The following SPHKAP variants were observed in gnomAD, a reference collection of about 807,000 sequenced individuals.
SPHKAP encodes SPHK1 interactor, AKAP domain containing, also known as A-kinase anchor protein SPHKAP.
A neutral mutation model predicts 137.5 loss-of-function variants in SPHKAP; 67 were observed. The ratio of observed to expected loss-of-function variants is 0.49; its 90% CI spans 0.40 to 0.60. SPHKAP has a LOEUF of 0.60. Among genes scored for constraint, SPHKAP ranks in the 20% least tolerant of loss-of-function variants. The probability of loss-of-function intolerance (pLI) is 0.00; values close to 1 mark genes in which losing one functional copy is unlikely to be tolerated. For synonymous variants in SPHKAP, 813 were observed against 785.3 expected (o/e 1.04, Z -0.59); for missense variants, 2,097 against 2,069.3 (o/e 1.01, Z -0.26).
chr2:228,080,432 T>A (rs778635915), intron 3 of SPHKAP, among the ~76,000 whole-genome samples: 9 of 152,070 alleles, frequency 5.9e-5, no homozygotes, highest in Non-Finnish European at 1.0e-4. Flanking sequence ...GATGTCCAGG[T>A]GTGGTGGCTC....
At chr2:228,077,843 C>T (rs970799211) in intron 3 of SPHKAP, among the ~76,000 whole-genome samples, 4 of 152,130 alleles carry the variant, frequency 2.6e-5, no homozygotes, top group Admixed American at 2.0e-4. Flanking sequence ...GCTGTGTCCC[C>T]ACCCAAATCT....
intron 2 of SPHKAP, chr2:228,109,484 C>T (rs1698448345): frequency 1.7e-6 from 1 of 589,014 alleles, no homozygotes; most frequent in Non-Finnish European, 2.1e-6. Context: ...CATTAAATAC[C>T]ATTTGCCATT....
At chr2:228,027,377 ACTAT>A (rs1278987969) in intron 4 of SPHKAP, 103 bp downstream of exon 4, 22 of 1,162,130 alleles carry the variant, frequency 1.9e-5, no homozygotes, top group East Asian at 2.4e-5. Flanking sequence ...CTGTAATGAA[ACTAT>A]CTAACTAAAG....
At chr2:228,126,561 C>T (rs66495113) in intron 2 of SPHKAP, among the ~76,000 whole-genome samples, 52,013 of 151,920 alleles carry the variant, frequency 0.34, 9,178 homozygotes, top group East Asian at 0.5. Context: ...AAGATAATTC[C>T]GAAGCCAGAG....
intron 1 of SPHKAP, among the ~76,000 whole-genome samples, chr2:228,139,758 G>T (rs1181270841): frequency 4.0e-5 from 6 of 151,876 alleles, no homozygotes; most frequent in Non-Finnish European, 8.8e-5. Context: ...TACAAATAAT[G>T]TGTATAAAAA....
In SPHKAP at chr2:228,008,907, T is replaced by C. The variant is rs190714706; in HGVS notation, c.4448+7499A>G. Among the ~76,000 whole-genome samples the C allele has an allele frequency of 3.0e-3, 451 of 152,300 alleles. 7 individuals carry two copies. The highest frequency in any genetic ancestry group is 5.6e-3 in the Admixed American group (85 of 15,304). On this transcript the variant is annotated intron_variant, in intron 7 of 11. Coordinates refer to ENST00000392056, the MANE Select transcript of SPHKAP (RefSeq NM_001142644.2). ...GAGTAAATCATCATGTCAGGTAGTC[T>C]CAATCCTCTAACTTTGTTCTTCCTC... is the stretch of plus-strand genomic sequence containing the variant.
chr2:228,065,825 G>C (rs960564518), intron 3 of SPHKAP, among the ~76,000 whole-genome samples: 3 of 152,156 alleles, frequency 2.0e-5, no homozygotes, highest in African/African-American at 7.2e-5. Flanking sequence ...GGCTGCCTCT[G>C]GACACTTAGG....
intron 7 of SPHKAP, among the ~76,000 whole-genome samples, chr2:228,011,821 A>G (rs1308299312): frequency 2.6e-5 from 4 of 152,126 alleles, no homozygotes; most frequent in Non-Finnish European, 5.9e-5. Context: ...CACCTCACAT[A>G]CTTATATTTT....
At chr2:228,167,251 A>G (rs908622350) in intron 1 of SPHKAP, among the ~76,000 whole-genome samples, 18 of 152,124 alleles carry the variant, frequency 1.2e-4, no homozygotes, top group African/African-American at 4.3e-4. Flanking sequence ...ATGTGATGAA[A>G]CTGCAGCTAA....
chr2:228,032,035 T>C (rs1227546387), intron 3 of SPHKAP, among the ~76,000 whole-genome samples: 1 of 152,214 alleles, frequency 6.6e-6, no homozygotes, highest in African/African-American at 2.4e-5. Context: ...GGACGGAGAA[T>C]GACTTTGATG....
intron 1 of SPHKAP, among the ~76,000 whole-genome samples, chr2:228,156,843 G>A (rs373530525): frequency 3.9e-5 from 6 of 152,116 alleles, no homozygotes; most frequent in Non-Finnish European, 8.8e-5. Context: ...GTAAGACGTG[G>A]CTTTGCTCCT....
At position 228,031,199 on chromosome 2, in the gene SPHKAP, A is replaced by G. The variant is rs530653126; in HGVS notation, c.247-3656T>C. On this transcript the variant is annotated intron_variant, in intron 3 of 11. Transcript: ENST00000392056. The stretch of plus-strand genomic sequence containing the variant: ...TGTGCTTTTCCAACGGGCTTAAAAA[A>G]CAGCACACCAGGAGATTATATCCCG... Among the ~76,000 whole-genome samples the G allele has an allele frequency of 2.0e-5, 3 of 152,320 alleles. No individual in the cohort carries two copies. The South Asian group carries it at 6.2e-4, about 32-fold the overall frequency.
At chr2:228,159,156 T>A (rs4973076) in intron 1 of SPHKAP, among the ~76,000 whole-genome samples, 93,751 of 151,948 alleles carry the variant, frequency 0.62, 29,373 homozygotes, top group African/African-American at 0.72. Context: ...ACTCAGACAC[T>A]GTCCAGTTTC....
At chr2:228,124,231 T>A (rs1380096520) in intron 2 of SPHKAP, among the ~76,000 whole-genome samples, 1 of 152,238 alleles carries the variant, frequency 6.6e-6, no homozygotes, top group Non-Finnish European at 1.5e-5. Flanking sequence ...ATCCCATTAC[T>A]GGGTATATAC....
chr2:228,092,135 G>GTATA lies in SPHKAP; in HGVS notation c.246+16696_246+16697insTATA, dbSNP rs1254008379. 8.1e-3 allele frequency among the ~76,000 whole-genome samples: 1,143 copies of GTATA among 140,980 alleles called. 27 individuals are homozygous for GTATA. The highest frequency in any genetic ancestry group is 0.056 in the Middle Eastern group (13 of 234). The allele number at this position is 140,980 out of a possible 152,430, so 92.5% of individuals were successfully genotyped here. On this transcript the variant is annotated intron_variant, in intron 3 of 11. Transcript: ENST00000392056. ...CACATATATACATATACGTATATGT[G>GTATA]TGTACACATATATACATATACATAT...
At position 228,025,541 on chromosome 2, in the gene SPHKAP, A is replaced by C. The variant is rs767679327; in HGVS notation, c.307-13T>G. The stretch of plus-strand genomic sequence containing the variant: ...CGTTGACCAGTTTCTGTAAAGCAAG[A>C]ATCTTTATTAGTTTAGCTGATTTCT... On this transcript the variant is annotated splice_polypyrimidine_tract_variant and intron_variant, in intron 4 of 11. Transcript: ENST00000392056. 1 of 1,612,708 alleles carries C rather than the reference A, an allele frequency of 6.2e-7. No homozygotes were observed. Among genetic ancestry groups the C allele is most frequent in the South Asian group, 1.1e-5 (1 of 90,756 alleles).
In SPHKAP at chr2:228,021,972, A is replaced by T. The variant is rs781550915; in HGVS notation, c.442-6T>A. 1 of 1,576,528 alleles carries T rather than the reference A, an allele frequency of 6.3e-7. No homozygotes were observed. The highest frequency in any genetic ancestry group is 8.6e-7 in the Non-Finnish European group (1 of 1,163,670). On this transcript the variant is annotated splice_region_variant and splice_polypyrimidine_tract_variant and intron_variant, in intron 5 of 11. Coordinates refer to ENST00000392056, the MANE Select transcript of SPHKAP (RefSeq NM_001142644.2). ...ATATCTGGCAGCCAAGGGCACTAAA[A>T]GTGGAGAGAAAAGAAGGCATTTATT...
rs148934063 is a variant in SPHKAP at position 228,027,522 on chromosome 2, C to T, written c.268G>A (p.Val90Met). 1,119 of 1,613,958 alleles carry T rather than the reference C, an allele frequency of 6.9e-4. No individual in the cohort carries two copies. Among genetic ancestry groups the T allele is most frequent in the Non-Finnish European group, 7.8e-4 (915 of 1,179,936 alleles). Residue 90 changes from valine to methionine, a missense_variant, in exon 4 of 12, where the codon GTG (valine) becomes ATG (methionine). Coordinates refer to ENST00000392056, the MANE Select transcript of SPHKAP (RefSeq NM_001142644.2). ...TCTGTGCTGCATTCATCCTTGTTCA[C>T]ATCAAGATTCACAAAGCAGACCTGG... ...CASVCFVNLD[V>M]NKDECSTEHL...
At chr2:228,034,366 T>A (rs937465879) in intron 3 of SPHKAP, among the ~76,000 whole-genome samples, 2 of 152,078 alleles carry the variant, frequency 1.3e-5, no homozygotes, top group Admixed American at 1.3e-4. Context: ...AATAACAGGC[T>A]CTGAAATTGT....
Sources: gnomAD v4.1 joint callset for allele counts (sites outside exome capture counted in the v4.1 genomes callset) on GRCh38, gnomAD v4.1.1 for gene constraint, MANE v1.5 for transcripts, NCBI Gene and HGNC (gene_info 2026-07-23, HGNC 2026-07-21) for gene names.